The following GAB4 variants were observed in gnomAD, a reference collection of about 807,000 sequenced individuals.
The protein encoded by GAB4 is GRB2 associated binding protein family member 4, also known as GRB2-associated-binding protein 4.
In GAB4, 26 loss-of-function variants were observed where a neutral mutation model predicts 51.3. The observed-to-expected ratio is 0.51, with a 90% CI of 0.37 to 0.70. The LOEUF (loss-of-function observed/expected upper bound fraction) is 0.70, where lower values mean the gene tolerates loss of function less well. Among genes scored for constraint, GAB4 ranks in the 30% least tolerant of loss-of-function variants. The probability of loss-of-function intolerance (pLI) is 0.00; values close to 1 mark genes in which losing one functional copy is unlikely to be tolerated. For synonymous variants in GAB4, 329 were observed against 291.2 expected (o/e 1.13, Z -1.32); for missense variants, 759 against 734.6 (o/e 1.03, Z -0.38).
intron 3 of GAB4, among the ~76,000 whole-genome samples, chr22:16,980,540 C>T (rs972071419): frequency 5.3e-5 from 8 of 152,180 alleles, no homozygotes; most frequent in African/African-American, 1.9e-4. Context: ...GAAATAGGAA[C>T]ACTTTTACAC....
chr22:16,971,854 T>C (rs56087268), intron 3 of GAB4, among the ~76,000 whole-genome samples: 3,958 of 151,730 alleles, frequency 0.026, 161 homozygotes, highest in African/African-American at 0.091. Flanking sequence ...TCTGCCAACA[T>C]GGGCCACCGA....
intron 1 of GAB4, among the ~76,000 whole-genome samples, chr22:16,999,330 T>C (rs1223632442): frequency 6.6e-6 from 1 of 152,236 alleles, no homozygotes; most frequent in Non-Finnish European, 1.5e-5. Context: ...CTGTTATTGG[T>C]CTATTCAGGG....
At chr22:16,984,980 C>A (rs534526074) in intron 3 of GAB4, among the ~76,000 whole-genome samples, 2 of 152,302 alleles carry the variant, frequency 1.3e-5, no homozygotes, top group East Asian at 3.9e-4. Context: ...GAAAATTGAC[C>A]TCTGTGTATT....
intron 1 of GAB4, 115 bp downstream of exon 1, chr22:17,007,826 A>C: frequency 1.1e-6 from 1 of 939,682 alleles, no homozygotes; most frequent in Non-Finnish European, 1.6e-6. Flanking sequence ...AGACGTGGAG[A>C]AGTCGCCTCC....
rs961708166 is a variant in GAB4 at position 16,970,064 on chromosome 22, G to C, written c.816C>G (p.Ser272Arg). Residue 272 changes from serine (S) to arginine (R), a missense_variant, in exon 4 of 10, where the codon AGC (serine) becomes AGG (arginine). By Grantham distance (110) the Ser-to-Arg change is moderately radical (BLOSUM62 -1). This residue lies in a region of GAB4 where 588 missense variants were observed against 510.2 expected (regional missense o/e 1.15). Coordinates refer to ENST00000400588, the MANE Select transcript of GAB4 (RefSeq NM_001037814.1). Reference protein sequence around the residue: ...GVSGHIHGFHSLSKPSQHNAE... With the variant: ...GVSGHIHGFHRLSKPSQHNAE... ...CATTGTGCTGGCTGGGCTTGGAAAG[G>C]CTATGGAAGCCATGGATGTGACCGC... 2 of 1,614,202 alleles carry C rather than the reference G, an allele frequency of 1.2e-6. No homozygotes were observed. Among genetic ancestry groups the C allele is most frequent in the Non-Finnish European group, 1.7e-6 (2 of 1,180,036 alleles).
rs553860422 is a variant in GAB4, at chr22:16,964,223, C to T, written c.1477-394G>A. Among the ~76,000 whole-genome samples the T allele has an allele frequency of 6.8e-4, 104 of 152,308 alleles. 2 individuals are homozygous for T. In the South Asian group the frequency reaches 0.021, roughly 31 times the overall value. On this transcript the variant is annotated intron_variant, in intron 8 of 9. Transcript: ENST00000400588. ...CAGCCTCCTCTCTAGAAGGCTGCCA[C>T]CTTGCTGGGACATTCCTGAAGTCTG...
chr22:16,993,726 T>G (rs948938970), intron 1 of GAB4, among the ~76,000 whole-genome samples: 3 of 152,214 alleles, frequency 2.0e-5, no homozygotes, highest in African/African-American at 7.2e-5. Context: ...CCTACCATAT[T>G]TACCTAGTTC....
intron 3 of GAB4, among the ~76,000 whole-genome samples, chr22:16,980,691 T>A (rs185596555): frequency 2.6e-5 from 4 of 152,232 alleles, no homozygotes; most frequent in Admixed American, 6.5e-5. Flanking sequence ...CATTCTACTA[T>A]AAAGACAAGT....
At chr22:16,987,636 C>T (rs552006981) in intron 3 of GAB4, among the ~76,000 whole-genome samples, 31 of 152,334 alleles carry the variant, frequency 2.0e-4, no homozygotes, top group Middle Eastern at 3.4e-3. Flanking sequence ...AAGGCCAACA[C>T]ATAAACCGAC....
intron 5 of GAB4, 144 bp from the exon 6 acceptor site, chr22:16,966,508 C>T: frequency 1.2e-6 from 1 of 806,710 alleles, no homozygotes; most frequent in Non-Finnish European, 1.9e-6. Context: ...CTGCTGTCTT[C>T]AGCAGCCACC....
In GAB4 at chr22:16,962,557, T is replaced by C; in HGVS notation, c.*176A>G. On this transcript the variant is annotated 3_prime_UTR_variant, in exon 10 of 10. Transcript: ENST00000400588. ...ACTGCTCCTAGCAAGGGGGTGAAGGTGGGGACCATGGCCAGCCAAAGGCAC... is the reference window on the plus strand; with the variant it reads ...ACTGCTCCTAGCAAGGGGGTGAAGGCGGGGACCATGGCCAGCCAAAGGCAC... 1 of 477,010 alleles carries C rather than the reference T, an allele frequency of 2.1e-6. No individual in the cohort carries two copies. The highest frequency in any genetic ancestry group is 3.6e-6 in the Non-Finnish European group (1 of 279,914). 29.5% of individuals were successfully genotyped at this position (477,010 alleles called of 1,614,324 possible).
chr22:16,990,123 T>TA (rs1286997099), intron 2 of GAB4, among the ~76,000 whole-genome samples: 1 of 152,184 alleles, frequency 6.6e-6, no homozygotes, highest in African/African-American at 2.4e-5. Flanking sequence ...GTCCTGTCCT[T>TA]ATGGCATTGC....
chr22:17,002,933 A>T (rs2061009727), intron 1 of GAB4, among the ~76,000 whole-genome samples: 1 of 152,180 alleles, frequency 6.6e-6, no homozygotes, highest in African/African-American at 2.4e-5. Flanking sequence ...TATTCAGGAG[A>T]CCCATCTGAT....
intron 1 of GAB4, among the ~76,000 whole-genome samples, chr22:17,005,833 T>A (rs1352901844): frequency 6.6e-6 from 1 of 152,180 alleles, no homozygotes; most frequent in African/African-American, 2.4e-5. Flanking sequence ...CCTTATATCT[T>A]ATACAAAAAT....
intron 6 of GAB4, 27 bp from the exon 7 acceptor site, chr22:16,965,295 C>T (rs1338436170): frequency 6.3e-7 from 1 of 1,582,416 alleles, no homozygotes; most frequent in African/African-American, 1.3e-5. Flanking sequence ...ACCTTGTCAT[C>T]AGCCAGTGAT....
intron 3 of GAB4, among the ~76,000 whole-genome samples, chr22:16,978,407 TATGCAA>T (rs1414676965): frequency 7.2e-5 from 11 of 152,260 alleles, no homozygotes; most frequent in African/African-American, 2.4e-4. Flanking sequence ...TAAACACCTC[TATGCAA>T]ATAAACTAGA....
At chr22:16,980,400 G>GAAA (rs967364229) in intron 3 of GAB4, among the ~76,000 whole-genome samples, 3 of 151,974 alleles carry the variant, frequency 2.0e-5, no homozygotes, top group Non-Finnish European at 4.4e-5. Flanking sequence ...CCACAAACAT[G>GAAA]AAAAAAAGCT....
intron 3 of GAB4, among the ~76,000 whole-genome samples, chr22:16,976,959 C>G (rs112760235): frequency 0.022 from 3,361 of 152,262 alleles, 59 homozygotes; most frequent in Middle Eastern, 0.068. Context: ...TCTTTACAGA[C>G]AAGCAAATGC....
In GAB4 at chr22:16,966,285, G is replaced by A. The variant is rs184559219; in HGVS notation, c.1103C>T (p.Thr368Ile). ...GCCTGCTTGCTTCACAGCCGGCAGG[G>A]TAGGGGAGCCTGGGTTCATGGGCAC... is the stretch of plus-strand genomic sequence containing the variant. ...SCVPMNPGSP[T>I]LPAVKQAGDD... Residue 368 changes from threonine to isoleucine, a missense_variant, in exon 6 of 10, where the codon ACC (threonine) becomes ATC (isoleucine). Thr to Ile is a moderately conservative substitution (Grantham distance 89). Around this residue, in one of 3 missense-constraint regions of GAB4, gnomAD observed 588 missense variants for 510.2 expected, o/e 1.15. Coordinates refer to ENST00000400588, the MANE Select transcript of GAB4 (RefSeq NM_001037814.1). 1.2e-6 allele frequency: 2 copies of A among 1,613,910 alleles called. No individual in the cohort carries two copies. Among genetic ancestry groups the A allele is most frequent in the East Asian group, 2.2e-5 (1 of 44,872 alleles).
Sources: allele counts gnomAD v4.1 joint callset (sites outside exome capture counted in the v4.1 genomes callset), GRCh38; gene constraint gnomAD v4.1.1; regional missense constraint gnomAD v4.1.1; transcripts MANE v1.5; gene names NCBI Gene and HGNC (gene_info 2026-07-23, HGNC 2026-07-21).